IPCEF1: variants seen among roughly 807,000 people sequenced by gnomAD.
The protein encoded by IPCEF1 is interaction protein for cytohesin exchange factors 1.
In IPCEF1, 31 loss-of-function variants were observed where a neutral mutation model predicts 50.9. The ratio of observed to expected loss-of-function variants is 0.61; its 90% CI spans 0.46 to 0.82. IPCEF1 has a LOEUF of 0.82. IPCEF1 is among the 40% of genes least tolerant of loss of function. The pLI is 0.00. For missense variants in IPCEF1, 458 were observed against 514.0 expected (o/e 0.89, Z 1.05); for synonymous variants, 181 against 192.0 (o/e 0.94, Z 0.47).
At chr6:154,173,121 A>G (rs1800012422) in intron 10 of IPCEF1, among the ~76,000 whole-genome samples, 1 of 152,226 alleles carries the variant, frequency 6.6e-6, no homozygotes, top group Non-Finnish European at 1.5e-5. Context: ...AAATAGCATC[A>G]ACATCAACAA....
intron 2 of IPCEF1, among the ~76,000 whole-genome samples, chr6:154,277,396 T>A (rs1782089803): frequency 6.6e-6 from 1 of 152,158 alleles, no homozygotes; most frequent in Non-Finnish European, 1.5e-5. Context: ...GCGAATGCCG[T>A]CAAGAATAGA....
chr6:154,162,469 T>G (rs1336965521), intron 11 of IPCEF1, among the ~76,000 whole-genome samples: 1 of 152,188 alleles, frequency 6.6e-6, no homozygotes, highest in African/African-American at 2.4e-5. Context: ...AACCATTAAA[T>G]CAATGTTAAA....
chr6:154,178,031 T>G (rs1195193839), intron 10 of IPCEF1, among the ~76,000 whole-genome samples: 1 of 149,658 alleles, frequency 6.7e-6, no homozygotes, highest in Non-Finnish European at 1.5e-5. Context: ...CAGCAAAATA[T>G]CACAAGGACA....
At chr6:154,331,314 A>AAAG (rs377263375) in intron 1 of IPCEF1, among the ~76,000 whole-genome samples, 1 of 149,614 alleles carries the variant, frequency 6.7e-6, no homozygotes, top group Non-Finnish European at 1.5e-5. Context: ...AAAGAAAAGA[A>AAAG]AAGAAGAAGA....
At chr6:154,202,521 A>C (rs908325539) in intron 9 of IPCEF1, among the ~76,000 whole-genome samples, 1 of 152,184 alleles carries the variant, frequency 6.6e-6, no homozygotes, top group African/African-American at 2.4e-5. Flanking sequence ...GTAAAATTCA[A>C]CTTCTATGTG....
intron 10 of IPCEF1, among the ~76,000 whole-genome samples, chr6:154,189,892 C>T (rs1012912): frequency 0.095 from 14,327 of 150,954 alleles, 1,065 homozygotes; most frequent in African/African-American, 0.21. Context: ...TGCAGTGAGC[C>T]GAGAATGCAC....
intron 1 of IPCEF1, among the ~76,000 whole-genome samples, chr6:154,345,970 A>G (rs182431052): frequency 6.6e-6 from 1 of 152,118 alleles, no homozygotes. Flanking sequence ...GGCTCAAGCA[A>G]TCTTCCCGCT....
intron 1 of IPCEF1, among the ~76,000 whole-genome samples, chr6:154,313,387 A>G (rs183841545): frequency 1.3e-5 from 2 of 151,842 alleles, no homozygotes; most frequent in Admixed American, 1.3e-4. Flanking sequence ...AAAAAAAAAG[A>G]AAAAGAAAAA....
intron 10 of IPCEF1, among the ~76,000 whole-genome samples, chr6:154,170,220 G>T (rs919142742): frequency 2.0e-5 from 3 of 152,144 alleles, no homozygotes; most frequent in Non-Finnish European, 4.4e-5. Flanking sequence ...AATACAATGA[G>T]ATTTCTTTTT....
At chr6:154,270,935 C>G (rs1781887412) in intron 2 of IPCEF1, among the ~76,000 whole-genome samples, 1 of 152,118 alleles carries the variant, frequency 6.6e-6, no homozygotes, top group African/African-American at 2.4e-5. Context: ...GAAATTGTGC[C>G]ACTGCACTCC....
chr6:154,302,555 G>A (rs547303838), intron 1 of IPCEF1, among the ~76,000 whole-genome samples: 65 of 152,166 alleles, frequency 4.3e-4, no homozygotes, highest in Non-Finnish European at 7.5e-4. Flanking sequence ...GTTCACTGTA[G>A]CCTCAACATC....
At chr6:154,336,527 T>C (rs1783790831) in intron 1 of IPCEF1, among the ~76,000 whole-genome samples, 1 of 152,084 alleles carries the variant, frequency 6.6e-6, no homozygotes, top group Admixed American at 6.6e-5. Flanking sequence ...AGGGTATGTG[T>C]GTTGGGAGGA....
At chr6:154,195,179 G>A (rs549719835) in intron 10 of IPCEF1, among the ~76,000 whole-genome samples, 22 of 126,960 alleles carry the variant, frequency 1.7e-4, no homozygotes, top group Non-Finnish European at 2.7e-4. Context: ...ACAGAATCTC[G>A]CTCTGTCACC....
chr6:154,282,404 A>T (rs56097929), intron 2 of IPCEF1, among the ~76,000 whole-genome samples: 1 of 152,034 alleles, frequency 6.6e-6, no homozygotes, highest in African/African-American at 2.4e-5. Flanking sequence ...TGGATCAGGC[A>T]GGGCGCGGTG....
chr6:154,297,106 T>C (rs1409440027), intron 1 of IPCEF1, among the ~76,000 whole-genome samples: 4 of 152,034 alleles, frequency 2.6e-5, no homozygotes, highest in Non-Finnish European at 5.9e-5. Flanking sequence ...GGCATGATCA[T>C]GGCTCGCTAC....
rs540986073 is a variant in IPCEF1, at chr6:154,260,493, G to A, written c.36+5419C>T. Reference sequence around the variant, plus strand: ...CCAGAGAACTTTTTTTTTTTTTTGAGATGGAGTCTCTCTCTATCCCCCAGG... The same window carrying A: ...CCAGAGAACTTTTTTTTTTTTTTGAAATGGAGTCTCTCTCTATCCCCCAGG... On this transcript the variant is annotated intron_variant, in intron 3 of 11. Transcript: ENST00000367220. 1.3e-4 allele frequency among the ~76,000 whole-genome samples: 18 copies of A among 136,474 alleles called. No individual in the cohort carries two copies. In the South Asian group the frequency reaches 4.1e-3, roughly 31 times the overall value. The allele number at this position is 136,474 out of a possible 152,430, so 89.5% of individuals were successfully genotyped here. A position where few individuals can be genotyped will look rare whatever the true frequency, so the allele number is the denominator to read the frequency against.
intron 2 of IPCEF1, among the ~76,000 whole-genome samples, chr6:154,277,425 A>G (rs1034191701): frequency 3.9e-5 from 6 of 152,242 alleles, no homozygotes; most frequent in Non-Finnish European, 7.3e-5. Flanking sequence ...CTCTGAAATC[A>G]TAACATGTAT....
At chr6:154,333,818 T>A (rs1414198652) in intron 1 of IPCEF1, among the ~76,000 whole-genome samples, 1 of 151,884 alleles carries the variant, frequency 6.6e-6, no homozygotes, top group Non-Finnish European at 1.5e-5. Context: ...TGTGTGTAAA[T>A]ATATATATAC....
At chr6:154,328,708 C>T (rs1783583801) in intron 1 of IPCEF1, among the ~76,000 whole-genome samples, 1 of 152,030 alleles carries the variant, frequency 6.6e-6, no homozygotes, top group South Asian at 2.1e-4. Context: ...TGTCCTTTGA[C>T]TTCATTTGAG....
Sources: gnomAD v4.1 joint callset for allele counts (sites outside exome capture counted in the v4.1 genomes callset) on GRCh38, gnomAD v4.1.1 for gene constraint, MANE v1.5 for transcripts, NCBI Gene and HGNC (gene_info 2026-07-23, HGNC 2026-07-21) for gene names.